PPARA: variants seen among roughly 807,000 people sequenced by gnomAD.
PPARA encodes the protein peroxisome proliferator-activated receptor alpha.
A neutral mutation model predicts 42.2 loss-of-function variants in PPARA; 22 were observed. That is an observed-to-expected ratio of 0.52 (90% CI 0.37 to 0.74). The LOEUF is 0.74. Ranked by LOEUF, PPARA falls within the 30% of genes least tolerant of loss-of-function variation. The probability of loss-of-function intolerance (pLI) is 0.00; values close to 1 mark genes in which losing one functional copy is unlikely to be tolerated. For synonymous variants in PPARA, 242 were observed against 239.3 expected (o/e 1.01, Z -0.10); for missense variants, 465 against 608.2 (o/e 0.76, Z 2.48).
At chr22:46,158,581 T>C (rs1348422481) in intron 2 of PPARA, among the ~76,000 whole-genome samples, 3 of 152,246 alleles carry the variant, frequency 2.0e-5, no homozygotes, top group African/African-American at 7.2e-5. Context: ...TGCGTGTTTA[T>C]AATTCAGCAA....
intron 4 of PPARA, among the ~76,000 whole-genome samples, chr22:46,208,905 T>TGC (rs1933653467): frequency 6.7e-6 from 1 of 148,848 alleles, no homozygotes; most frequent in African/African-American, 2.6e-5. Flanking sequence ...TATTCGTGTG[T>TGC]GTGTGTGTGT....
rs1345076265 is a variant in PPARA, at chr22:46,200,962, C to G, written c.208+2371C>G. 6.6e-6 allele frequency among the ~76,000 whole-genome samples: 1 copy of G among 151,758 alleles called. No homozygotes were observed. Among genetic ancestry groups the G allele is most frequent in the Non-Finnish European group, 1.5e-5 (1 of 67,952 alleles). On this transcript the variant is annotated intron_variant, in intron 4 of 8. Coordinates refer to ENST00000407236, the MANE Select transcript of PPARA (RefSeq NM_005036.6). The surrounding 1 kb of genome is among the most constrained non-coding windows in gnomAD (Gnocchi z 4.8). Reference sequence around the variant, plus strand: ...GGCGTGGTGGCTCATGCCTGTAATCCCAGCACTTTGGGAGGCTGAGGCGGG... The same window carrying G: ...GGCGTGGTGGCTCATGCCTGTAATCGCAGCACTTTGGGAGGCTGAGGCGGG...
intron 4 of PPARA, among the ~76,000 whole-genome samples, chr22:46,208,917 C>G (rs573609288): frequency 6.7e-6 from 1 of 148,734 alleles, no homozygotes; most frequent in Non-Finnish European, 1.5e-5. Context: ...TGTGTGTGTG[C>G]GTGTGTGTGT....
rs992233787 is a variant in PPARA, at chr22:46,237,204, C to A, written c.*1824C>A. ...TCCCATGACCAGCATTATGAAAATG[C>A]GAGAGTGGGAAGGACACAGTGTGAG... On this transcript the variant is annotated 3_prime_UTR_variant, in exon 9 of 9. Coordinates refer to ENST00000407236, the MANE Select transcript of PPARA (RefSeq NM_005036.6). This position sits in a 1 kb window ranked among gnomAD's most constrained non-coding sequence, Gnocchi z 6.7. 6.6e-6 allele frequency: 1 copy of A among 151,998 alleles called. No individual in the cohort carries two copies. The highest frequency in any genetic ancestry group is 2.4e-5 in the African/African-American group (1 of 41,382). The allele number at this position is 151,998 out of a possible 1,614,324, so 9.4% of individuals were successfully genotyped here. A position where few individuals can be genotyped will look rare whatever the true frequency, so the allele number is the denominator to read the frequency against.
chr22:46,214,053 C>A (rs1286802673), intron 4 of PPARA, among the ~76,000 whole-genome samples: 1 of 152,210 alleles, frequency 6.6e-6, no homozygotes, highest in African/African-American at 2.4e-5. Context: ...CTTATATTTT[C>A]TCTTTCATGG....
chr22:46,172,133 G>A (rs934211912), intron 2 of PPARA, among the ~76,000 whole-genome samples: 2 of 152,042 alleles, frequency 1.3e-5, no homozygotes, highest in East Asian at 1.9e-4. Flanking sequence ...AGCCATGCTC[G>A]AGAAGAGCCC....
At position 46,239,012 on chromosome 22, in the gene PPARA, G is replaced by C. The variant is rs1299050884; in HGVS notation, c.*3632G>C. The C allele has an allele frequency of 6.6e-6, 1 of 152,248 alleles. No individual in the cohort carries two copies. The highest frequency in any genetic ancestry group is 2.1e-4 in the South Asian group (1 of 4,826). The allele number at this position is 152,248 out of a possible 1,614,324, so 9.4% of individuals were successfully genotyped here. On this transcript the variant is annotated 3_prime_UTR_variant, in exon 9 of 9. Coordinates refer to ENST00000407236, the MANE Select transcript of PPARA (RefSeq NM_005036.6). ...GAAGAGTATAAAGCATCTTCCTAAC[G>C]GGTGTGTTTGCTATACGAACATAAT...
rs936435742 is a variant in PPARA, at chr22:46,224,996, G to A, written c.711+4982G>A. Among the ~76,000 whole-genome samples, 1 of 151,802 alleles carries A rather than the reference G, an allele frequency of 6.6e-6. No individual in the cohort carries two copies. Among genetic ancestry groups the A allele is most frequent in the Non-Finnish European group, 1.5e-5 (1 of 67,976 alleles). ...TGGGGGGGGGCCTGAAACCGGTGGGGGAGTTGTGGGAGGCCTAGAATCAGC... is the reference window on the plus strand; with the variant it reads ...TGGGGGGGGGCCTGAAACCGGTGGGAGAGTTGTGGGAGGCCTAGAATCAGC... On this transcript the variant is annotated intron_variant, in intron 7 of 8. Transcript: ENST00000407236. The surrounding 1 kb of genome is among the most constrained non-coding windows in gnomAD (Gnocchi z 5.7).
rs1569262120 is a variant in PPARA at position 46,241,362 on chromosome 22, C to T, written c.*5982C>T. 6.6e-6 allele frequency: 1 copy of T among 152,198 alleles called. No individual in the cohort carries two copies. Among genetic ancestry groups the T allele is most frequent in the African/African-American group, 2.4e-5 (1 of 41,444 alleles). 9.4% of individuals were successfully genotyped at this position (152,198 alleles called of 1,614,324 possible). A position where few individuals can be genotyped will look rare whatever the true frequency, so the allele number is the denominator to read the frequency against. ...ATTTCTCTGGAAACCACAGTGTACA[C>T]TAAAATGTGAAATTGAAGGTTTTGT... On this transcript the variant is annotated 3_prime_UTR_variant, in exon 9 of 9. Transcript: ENST00000407236. This position sits in a 1 kb window ranked among gnomAD's most constrained non-coding sequence, Gnocchi z 5.7.
intron 2 of PPARA, among the ~76,000 whole-genome samples, chr22:46,158,557 C>A (rs1188645673): frequency 6.6e-6 from 1 of 152,180 alleles, no homozygotes; most frequent in Non-Finnish European, 1.5e-5. Flanking sequence ...GTCAGCTTTA[C>A]ATGAGTATTT....
Position 46,165,748 on chromosome 22 carries a change from CT to C in PPARA, c.-126-11004del, listed in dbSNP as rs576433179. Among the ~76,000 whole-genome samples the C allele has an allele frequency of 1.3e-3, 204 of 152,318 alleles. No homozygotes were observed. The highest frequency in any genetic ancestry group is 2.7e-3 in the Non-Finnish European group (182 of 68,032). On this transcript the variant is annotated intron_variant, in intron 2 of 8. Transcript: ENST00000407236. This position sits in a 1 kb window ranked among gnomAD's most constrained non-coding sequence, Gnocchi z 5.5. ...CTCAGATTGCAAGGACCTCAAATGC[CT>C]GGCAGAAGCAAGTGAATATCCTTCT...
At position 46,191,274 on chromosome 22, in the gene PPARA, C is replaced by T. The variant is rs1334875474; in HGVS notation, c.-42-7068C>T. Among the ~76,000 whole-genome samples the T allele has an allele frequency of 1.3e-5, 2 of 152,166 alleles. No homozygotes were observed. Among genetic ancestry groups the T allele is most frequent in the African/African-American group, 4.8e-5 (2 of 41,442 alleles). On this transcript the variant is annotated intron_variant, in intron 3 of 8. Coordinates refer to ENST00000407236, the MANE Select transcript of PPARA (RefSeq NM_005036.6). The surrounding 1 kb of genome is among the most constrained non-coding windows in gnomAD (Gnocchi z 4.6). ...CTCATGTCCAATACAAGGGTGCACACGTGGGTGAGACACGGCAGCTGCTCT... is the reference window on the plus strand; with the variant it reads ...CTCATGTCCAATACAAGGGTGCACATGTGGGTGAGACACGGCAGCTGCTCT...
At chr22:46,155,788 G>A (rs1925216471) in intron 2 of PPARA, 1 of 152,220 alleles carries the variant, frequency 6.6e-6, no homozygotes, top group Non-Finnish European at 1.5e-5. Context: ...ATGGGTTTAA[G>A]GTAAGAATCA....
At position 46,167,766 on chromosome 22, in the gene PPARA, G is replaced by C. The variant is rs1927290782; in HGVS notation, c.-126-8987G>C. ...GATTTAAAAAGCATTAACTAGGCCAGGTATGCTGGCTTACACCTGTCATTC... is the reference window on the plus strand; with the variant it reads ...GATTTAAAAAGCATTAACTAGGCCACGTATGCTGGCTTACACCTGTCATTC... On this transcript the variant is annotated intron_variant, in intron 2 of 8. Transcript: ENST00000407236. This position sits in a 1 kb window ranked among gnomAD's most constrained non-coding sequence, Gnocchi z 4.1. Among the ~76,000 whole-genome samples, 3 of 152,184 alleles carry C rather than the reference G, an allele frequency of 2.0e-5. No individual in the cohort carries two copies. Among genetic ancestry groups the C allele is most frequent in the Non-Finnish European group, 4.4e-5 (3 of 68,032 alleles).
At chr22:46,210,982 G>A (rs142995770) in intron 4 of PPARA, among the ~76,000 whole-genome samples, 18 of 152,262 alleles carry the variant, frequency 1.2e-4, no homozygotes, top group African/African-American at 4.3e-4. Flanking sequence ...GATGCCCCAT[G>A]ACTTCAGTGA....
In PPARA at chr22:46,236,263, A is replaced by C. The variant is rs41367645; in HGVS notation, c.*883A>C. On this transcript the variant is annotated 3_prime_UTR_variant, in exon 9 of 9. Coordinates refer to ENST00000407236, the MANE Select transcript of PPARA (RefSeq NM_005036.6). The surrounding 1 kb of genome is among the most constrained non-coding windows in gnomAD (Gnocchi z 5.2). ...TCTGTCTTAAAAACAAACAAACAAA[A>C]AAAAAATCTGTTAGATAAGCTATCA... 2,892 of 152,712 alleles carry C rather than the reference A, an allele frequency of 0.019. 83 individuals carry two copies. The highest frequency in any genetic ancestry group is 0.063 in the African/African-American group (2,613 of 41,540). 9.5% of individuals were successfully genotyped at this position (152,712 alleles called of 1,614,324 possible). A position where few individuals can be genotyped will look rare whatever the true frequency, so the allele number is the denominator to read the frequency against.
chr22:46,177,035 C>T lies in PPARA; in HGVS notation c.-43+199C>T, dbSNP rs1003798210. The stretch of plus-strand genomic sequence containing the variant: ...ACCATCCTGGCTAACACAGTGAAAC[C>T]CTGTCTCTACTACAAATACAAAAAA... On this transcript the variant is annotated intron_variant, in intron 3 of 8. Transcript: ENST00000407236. Among the ~76,000 whole-genome samples the T allele has an allele frequency of 2.6e-5, 4 of 152,086 alleles. No individual in the cohort carries two copies. In the South Asian group the frequency reaches 6.2e-4, roughly 24 times the overall value.
In PPARA at chr22:46,236,285, A is replaced by C. The variant is rs1354408376; in HGVS notation, c.*905A>C. 2 of 152,622 alleles carry C rather than the reference A, an allele frequency of 1.3e-5. No individual in the cohort carries two copies. The highest frequency in any genetic ancestry group is 6.5e-5 in the Admixed American group (1 of 15,274). The allele number at this position is 152,622 out of a possible 1,614,324, so 9.5% of individuals were successfully genotyped here. ...AAAAAAAAAATCTGTTAGATAAGCT[A>C]TCAAAATGCAGCTGTTGTTTTGTTT... On this transcript the variant is annotated 3_prime_UTR_variant, in exon 9 of 9. Transcript: ENST00000407236. The surrounding 1 kb of genome is among the most constrained non-coding windows in gnomAD (Gnocchi z 5.2).
Position 46,193,688 on chromosome 22 carries a change from G to A in PPARA, c.-42-4654G>A, listed in dbSNP as rs1414263482. Among the ~76,000 whole-genome samples the A allele has an allele frequency of 2.0e-5, 3 of 152,184 alleles. No homozygotes were observed. Among genetic ancestry groups the A allele is most frequent in the Admixed American group, 6.5e-5 (1 of 15,272 alleles). On this transcript the variant is annotated intron_variant, in intron 3 of 8. Coordinates refer to ENST00000407236, the MANE Select transcript of PPARA (RefSeq NM_005036.6). The surrounding 1 kb of genome is among the most constrained non-coding windows in gnomAD (Gnocchi z 5.3). ...GGTAAGGAAGGAATGAGAGGATCAT[G>A]CAGAACCTCCCATCATTGCTGGGAC...
Sources: allele counts gnomAD v4.1 joint callset (sites outside exome capture counted in the v4.1 genomes callset), GRCh38; gene constraint gnomAD v4.1.1; non-coding constraint Gnocchi (gnomAD v3.1); transcripts MANE v1.5; gene names NCBI Gene and HGNC (gene_info 2026-07-23, HGNC 2026-07-21).